RAPGEF4: variants seen among roughly 807,000 people sequenced by gnomAD.
RAPGEF4 encodes Rap guanine nucleotide exchange factor 4.
Under a neutral mutation model 147.9 loss-of-function variants are expected in RAPGEF4, and 66 were observed. That is an observed-to-expected ratio of 0.45 (90% CI 0.37 to 0.55). RAPGEF4 has a LOEUF of 0.55. Among genes scored for constraint, RAPGEF4 ranks in the 20% least tolerant of loss-of-function variants. RAPGEF4 has a pLI of 0.00. For synonymous variants in RAPGEF4, 419 were observed against 442.7 expected, an observed-to-expected ratio of 0.95 and a Z score of 0.67; for missense variants, 1,071 against 1,257.3, an observed-to-expected ratio of 0.85 and a Z score of 2.24.
chr2:172,861,989 T>C (rs943358625), intron 4 of RAPGEF4, among the ~76,000 whole-genome samples: 1 of 152,218 alleles, frequency 6.6e-6, no homozygotes, highest in Admixed American at 6.5e-5. Flanking sequence ...TCAAAGAGTC[T>C]TTGTCGAAGT....
chr2:172,756,569 T>C (rs935630228), intron 1 of RAPGEF4, among the ~76,000 whole-genome samples: 3 of 152,230 alleles, frequency 2.0e-5, no homozygotes, highest in Admixed American at 2.0e-4. Flanking sequence ...GGAGTCCTCT[T>C]GACTTCTTCC....
At chr2:172,854,274 CATTT>C (rs1441355772) in intron 4 of RAPGEF4, among the ~76,000 whole-genome samples, 2 of 151,788 alleles carry the variant, frequency 1.3e-5, no homozygotes, top group African/African-American at 4.8e-5. Flanking sequence ...GGCATGTATG[CATTT>C]ATTATTTTTA....
intron 4 of RAPGEF4, among the ~76,000 whole-genome samples, chr2:172,878,565 G>A (rs985761803): frequency 6.6e-6 from 1 of 152,184 alleles, no homozygotes; most frequent in Non-Finnish European, 1.5e-5. Context: ...GAAAGGGACA[G>A]CATATTTCAC....
At chr2:172,804,313 A>G (rs1363996066) in intron 3 of RAPGEF4, among the ~76,000 whole-genome samples, 2 of 152,184 alleles carry the variant, frequency 1.3e-5, no homozygotes, top group Admixed American at 1.3e-4. Flanking sequence ...GTTAAAAAAC[A>G]CACAGCTTCT....
Position 172,990,912 on chromosome 2 carries a change from C to T in RAPGEF4, c.1477C>T (p.Gln493Ter), listed in dbSNP as rs747108801. 6.2e-7 allele frequency: 1 copy of T among 1,612,200 alleles called. No individual in the cohort carries two copies. Among genetic ancestry groups the T allele is most frequent in the Non-Finnish European group, 8.5e-7 (1 of 1,178,464 alleles). The change falls in exon 15 of 31, where the codon CAG (glutamine) becomes TAG (stop). Residue 493 changes from glutamine to a stop codon, truncating the protein, a stop_gained. Coordinates refer to ENST00000397081, the MANE Select transcript of RAPGEF4 (RefSeq NM_007023.4). LOFTEE classifies it high-confidence loss of function. ...CAGAGCTTCTAATCAAGGAAACTCA[C>T]AGCCTCAGCAAAAGTATGTTTGCAT... ...GNRASNQGNS[Q>*]PQQKYTVMSG... is the part of the protein sequence containing the mutation.
chr2:173,018,249 TG>T (rs1030175302), intron 21 of RAPGEF4, among the ~76,000 whole-genome samples: 17 of 152,212 alleles, frequency 1.1e-4, no homozygotes, highest in African/African-American at 3.9e-4. Flanking sequence ...CACGTGCTCA[TG>T]GCCCAGGCGG....
At chr2:172,736,107 G>T in intron 1 of RAPGEF4, 59 bp downstream of exon 1, 1 of 1,332,320 alleles carries the variant, frequency 7.5e-7, no homozygotes, top group South Asian at 1.7e-5. Flanking sequence ...CGGGCCCTGA[G>T]ACCGCCGCAG....
At position 172,736,038 on chromosome 2, in the gene RAPGEF4, C is replaced by G; in HGVS notation, c.55C>G (p.Leu19Val). 2 of 1,438,920 alleles carry G rather than the reference C, an allele frequency of 1.4e-6. No individual in the cohort carries two copies. Among genetic ancestry groups the G allele is most frequent in the Non-Finnish European group, 1.8e-6 (2 of 1,099,344 alleles). The allele number at this position is 1,438,920 out of a possible 1,614,324, so 89.1% of individuals were successfully genotyped here. ...CTCCTCTGCCGAGTGGATCGCCTGC[C>G]TGGATAAAAGGTAGCTCGCCGGGGG... Reference protein sequence around the residue: ...SSSSAEWIACLDKRPLERSSE... With the variant: ...SSSSAEWIACVDKRPLERSSE... Residue 19 changes from leucine (L) to valine (V), a missense_variant, in exon 1 of 31, where the codon CTG becomes GTG. Leu to Val is a conservative substitution (Grantham distance 32, BLOSUM62 1). Transcript: ENST00000397081.
chr2:172,816,023 A>G (rs1181190645), intron 4 of RAPGEF4, among the ~76,000 whole-genome samples: 2 of 152,186 alleles, frequency 1.3e-5, no homozygotes, highest in Non-Finnish European at 2.9e-5. Flanking sequence ...AATGATAGAC[A>G]TATAACATAT....
At chr2:173,004,022 ACTG>A (rs1303481568) in intron 17 of RAPGEF4, among the ~76,000 whole-genome samples, 4 of 152,192 alleles carry the variant, frequency 2.6e-5, no homozygotes, top group Non-Finnish European at 1.5e-5. Flanking sequence ...CAGTATTTTT[ACTG>A]CTATTTTTCT....
chr2:172,836,684 A>G (rs574843737), intron 4 of RAPGEF4, among the ~76,000 whole-genome samples: 5 of 152,302 alleles, frequency 3.3e-5, no homozygotes, highest in African/African-American at 9.6e-5. Flanking sequence ...AGGCATGTGT[A>G]ACAAATCTGC....
chr2:172,912,380 C>A (rs1683529962), intron 4 of RAPGEF4, among the ~76,000 whole-genome samples: 1 of 152,172 alleles, frequency 6.6e-6, no homozygotes, highest in Non-Finnish European at 1.5e-5. Flanking sequence ...GATATAGCAT[C>A]CTTAAGATTC....
rs375196282 is a variant in RAPGEF4, at chr2:172,942,997, T to G, written c.538-17763T>G. 3.9e-5 allele frequency among the ~76,000 whole-genome samples: 6 copies of G among 152,116 alleles called. No individual in the cohort carries two copies. The East Asian group carries it at 9.6e-4, about 24-fold the overall frequency. ...ACATTGCAGCTTCAGAAGTGTGTAT[T>G]AGAGGGCTTGGGAAGAACTGTCTGA... On this transcript the variant is annotated intron_variant, in intron 6 of 30. Transcript: ENST00000397081.
At chr2:173,035,396 A>C (rs7585995) in intron 27 of RAPGEF4, among the ~76,000 whole-genome samples, 6,860 of 151,902 alleles carry the variant, frequency 0.045, 204 homozygotes, top group Admixed American at 0.08. Flanking sequence ...CTGTAGTCCC[A>C]GCTACTCGGG....
At chr2:172,773,219 C>G (rs2042562) in intron 1 of RAPGEF4, among the ~76,000 whole-genome samples, 1 of 152,092 alleles carries the variant, frequency 6.6e-6, no homozygotes, top group Non-Finnish European at 1.5e-5. Context: ...GTGTTGTAAA[C>G]AAATAATCAT....
In RAPGEF4 at chr2:173,040,091, G is replaced by A. The variant is rs186928563; in HGVS notation, c.2853+3399G>A. Among the ~76,000 whole-genome samples, 535 of 151,982 alleles carry A rather than the reference G, an allele frequency of 3.5e-3. 5 individuals are homozygous for A. Among genetic ancestry groups the A allele is most frequent in the African/African-American group, 0.012 (517 of 41,440 alleles). Reference sequence around the variant, plus strand: ...TAATCCCAGCTACTTGGGAGGCTGAGGTAGGAGAATCGCTTGAACCTGGGA... The same window carrying A: ...TAATCCCAGCTACTTGGGAGGCTGAAGTAGGAGAATCGCTTGAACCTGGGA... On this transcript the variant is annotated intron_variant, in intron 29 of 30. Transcript: ENST00000397081.
intron 6 of RAPGEF4, among the ~76,000 whole-genome samples, chr2:172,949,917 A>G (rs1688042877): frequency 1.3e-5 from 2 of 152,210 alleles, no homozygotes; most frequent in African/African-American, 2.4e-5. Context: ...TGTATGCCCA[A>G]TGGGCTTGAG....
intron 4 of RAPGEF4, among the ~76,000 whole-genome samples, chr2:172,884,069 G>A (rs1263710472): frequency 6.6e-6 from 1 of 152,114 alleles, no homozygotes; most frequent in Non-Finnish European, 1.5e-5. Context: ...TGTTGCCACA[G>A]CAATTTTGCT....
intron 12 of RAPGEF4, among the ~76,000 whole-genome samples, chr2:172,986,717 G>A (rs921947037): frequency 1.4e-4 from 20 of 143,900 alleles, no homozygotes; most frequent in African/African-American, 4.1e-4. Flanking sequence ...TTTTTGAGAC[G>A]GAGTCTTGCT....
Sources: allele counts gnomAD v4.1 joint callset (sites outside exome capture counted in the v4.1 genomes callset), GRCh38; gene constraint gnomAD v4.1.1; transcripts MANE v1.5; gene names NCBI Gene and HGNC (gene_info 2026-07-23, HGNC 2026-07-21).